Variants in ACP6 observed in about 807,000 individuals in gnomAD.
ACP6 encodes acid phosphatase 6, lysophosphatidic, also known as lysophosphatidic acid phosphatase type 6.
Under a neutral mutation model 48.1 loss-of-function variants are expected in ACP6, and 48 were observed. That is an observed-to-expected ratio of 1.00 (90% CI 0.79 to 1.27). The LOEUF is 1.27. Ranked by LOEUF, ACP6 falls within the 50% of genes most tolerant of loss-of-function variation. The pLI is 0.00. For synonymous variants in ACP6, 172 were observed against 204.2 expected (o/e 0.84, Z 1.34); for missense variants, 485 against 529.1 (o/e 0.92, Z 0.82).
rs1553212395 is a variant in ACP6 at position 147,659,707 on chromosome 1, T to C, written c.288A>G (p.Leu96=). Residue 96 remains leucine (L), a synonymous_variant, in exon 2 of 10, where the codon CTA becomes CTG. Coordinates refer to ENST00000583509, the MANE Select transcript of ACP6 (RefSeq NM_016361.5). ...QTQFDYTVTN[L]AGGPKPYSPY... Reference sequence around the variant, plus strand: ...GAGAATATGGTTTCGGACCACCAGCTAGATTGGTGACTGTGTAATCAAACT... The same window carrying C: ...GAGAATATGGTTTCGGACCACCAGCCAGATTGGTGACTGTGTAATCAAACT... 1.2e-6 allele frequency: 2 copies of C among 1,614,084 alleles called. No homozygotes were observed. The highest frequency in any genetic ancestry group is 1.3e-5 in the African/African-American group (1 of 74,928).
At chr1:147,656,370 T>A (rs1362297944) in intron 4 of ACP6, among the ~76,000 whole-genome samples, 1 of 152,214 alleles carries the variant, frequency 6.6e-6, no homozygotes, top group Non-Finnish European at 1.5e-5. Context: ...GAAGAGGTGC[T>A]GATGGCTGCA....
chr1:147,635,592 T>C (rs1432137136), intron 5 of ACP6, among the ~76,000 whole-genome samples: 16 of 152,192 alleles, frequency 1.1e-4, no homozygotes, highest in Admixed American at 9.8e-4. Flanking sequence ...GGAGAAGTCC[T>C]TGTTGGGGTT....
At chr1:147,668,222 C>T (rs961567586) in intron 1 of ACP6, among the ~76,000 whole-genome samples, 1 of 152,032 alleles carries the variant, frequency 6.6e-6, no homozygotes, top group Non-Finnish European at 1.5e-5. Flanking sequence ...GGTAATATGC[C>T]TTCTCTAATT....
Position 147,659,427 on chromosome 1 carries a change from G to T in ACP6, c.448C>A (p.Leu150Ile). Residue 150 changes from leucine (L) to isoleucine (I), a missense_variant, in exon 3 of 10, where the codon CTT becomes ATT. Leu to Ile is a conservative substitution (Grantham distance 5). Transcript: ENST00000583509. The stretch of plus-strand genomic sequence containing the variant: ...TCCTGTGGGTTGAAGGTTGGTGAAA[G>T]AAAGGGAATGTCTTCCACATAGTTC... ...RKNYVEDIPF[L>I]SPTFNPQEVF... The T allele has an allele frequency of 6.2e-7, 1 of 1,614,198 alleles. No individual in the cohort carries two copies. The highest frequency in any genetic ancestry group is 8.5e-7 in the Non-Finnish European group (1 of 1,180,032).
intron 4 of ACP6, among the ~76,000 whole-genome samples, chr1:147,656,236 C>A (rs1437267044): frequency 6.6e-6 from 1 of 152,178 alleles, no homozygotes; most frequent in African/African-American, 2.4e-5. Flanking sequence ...CAGAACTAAC[C>A]AGCAGTCGCC....
intron 1 of ACP6, 92 bp downstream of exon 1, chr1:147,669,738 G>T: frequency 7.6e-7 from 1 of 1,322,488 alleles, no homozygotes. Flanking sequence ...CGCTCCGCGC[G>T]AGTAAAGCTC....
rs1443197941 is a variant in ACP6, at chr1:147,646,076, G to A, written c.*1347C>T. 1 of 152,196 alleles carries A rather than the reference G, an allele frequency of 6.6e-6. No individual in the cohort carries two copies. Among genetic ancestry groups the A allele is most frequent in the Non-Finnish European group, 1.5e-5 (1 of 68,038 alleles). 9.4% of individuals were successfully genotyped at this position (152,196 alleles called of 1,614,324 possible). On this transcript the variant is annotated 3_prime_UTR_variant, in exon 10 of 10. Transcript: ENST00000583509. ...TCTTCTGATCTCTTTTAGATTCTTA[G>A]TAAAATAGGAAATACAGTAACCAGC...
rs781853603 is a variant in ACP6, at chr1:147,647,445, A to T, written c.1265T>A (p.Met422Lys). ...YHALCSQTQV[M>K]EVGNEE ...CAGTTACTCTTCATTTCCAACTTCC[A>T]TCACCTGAGTTTGAGAGCAGAGTGC... Residue 422 changes from methionine (M) to lysine (K), a missense_variant, in exon 10 of 10, where the codon ATG becomes AAG. Coordinates refer to ENST00000583509, the MANE Select transcript of ACP6 (RefSeq NM_016361.5). 2 of 1,614,114 alleles carry T rather than the reference A, an allele frequency of 1.2e-6. No individual in the cohort carries two copies. The highest frequency in any genetic ancestry group is 1.7e-6 in the Non-Finnish European group (2 of 1,180,018).
At chr1:147,648,086 C>T in intron 9 of ACP6, 160 bp downstream of exon 9, 1 of 773,574 alleles carries the variant, frequency 1.3e-6, no homozygotes, top group South Asian at 1.9e-5. Context: ...CTGCCTGACC[C>T]CTGGGCCATA....
Position 147,646,829 on chromosome 1 carries a change from C to T in ACP6, c.*594G>A, listed in dbSNP as rs1267381810. 1 of 152,626 alleles carries T rather than the reference C, an allele frequency of 6.6e-6. No homozygotes were observed. Among genetic ancestry groups the T allele is most frequent in the Non-Finnish European group, 1.5e-5 (1 of 68,286 alleles). The allele number at this position is 152,626 out of a possible 1,614,324, so 9.5% of individuals were successfully genotyped here. A position where few individuals can be genotyped will look rare whatever the true frequency, so the allele number is the denominator to read the frequency against. ...CGCAACACGCTTTCATCCTTGCTTT[C>T]CTGGTTAACTCCTACCCACCTTTCT... On this transcript the variant is annotated 3_prime_UTR_variant, in exon 10 of 10. Transcript: ENST00000583509.
chr1:147,638,198 T>A (rs1241701778), downstream of ACP6, among the ~76,000 whole-genome samples: 5 of 152,238 alleles, frequency 3.3e-5, no homozygotes, highest in African/African-American at 9.6e-5. Context: ...TAATAAACAC[T>A]TAAAAACAAA....
rs1457557370 is a variant in ACP6, at chr1:147,644,471, T to C, written c.*2952A>G. On this transcript the variant is annotated 3_prime_UTR_variant, in exon 10 of 10. Coordinates refer to ENST00000583509, the MANE Select transcript of ACP6 (RefSeq NM_016361.5). The stretch of plus-strand genomic sequence containing the variant: ...TTAGAGCAGAAGAGTGGCACGATCT[T>C]ACTTTGTTTTAAAAGCAACACTGTG... 2 of 152,184 alleles carry C rather than the reference T, an allele frequency of 1.3e-5. No individual in the cohort carries two copies. Among genetic ancestry groups the C allele is most frequent in the Non-Finnish European group, 2.9e-5 (2 of 68,040 alleles). The allele number at this position is 152,184 out of a possible 1,614,324, so 9.4% of individuals were successfully genotyped here. A position where few individuals can be genotyped will look rare whatever the true frequency, so the allele number is the denominator to read the frequency against.
chr1:147,664,811 C>T (rs1305186304), intron 1 of ACP6, among the ~76,000 whole-genome samples: 1 of 152,154 alleles, frequency 6.6e-6, no homozygotes, highest in African/African-American at 2.4e-5. Flanking sequence ...CTGCAAGAAA[C>T]CATATGAAGG....
Position 147,647,323 on chromosome 1 carries a change from A to G in ACP6, c.*100T>C. 2.9e-6 allele frequency: 4 copies of G among 1,356,170 alleles called. No individual in the cohort carries two copies. Among genetic ancestry groups the G allele is most frequent in the Non-Finnish European group, 4.1e-6 (4 of 982,706 alleles). 84.0% of individuals were successfully genotyped at this position (1,356,170 alleles called of 1,614,324 possible). A position where few individuals can be genotyped will look rare whatever the true frequency, so the allele number is the denominator to read the frequency against. Reference sequence around the variant, plus strand: ...ATATCCTTACATTATATTAAAGTACATTACCCCTTGCTCTCTCCTCTTCCC... The same window carrying G: ...ATATCCTTACATTATATTAAAGTACGTTACCCCTTGCTCTCTCCTCTTCCC... On this transcript the variant is annotated 3_prime_UTR_variant, in exon 10 of 10. Transcript: ENST00000583509.
intron 1 of ACP6, among the ~76,000 whole-genome samples, chr1:147,668,090 C>T (rs1279268823): frequency 6.6e-6 from 1 of 152,144 alleles, no homozygotes; most frequent in African/African-American, 2.4e-5. Flanking sequence ...AATATTTGCT[C>T]ATAGCCTAAA....
downstream of ACP6, among the ~76,000 whole-genome samples, chr1:147,640,123 A>T (rs1553208461): frequency 1.3e-5 from 2 of 152,094 alleles, no homozygotes; most frequent in Non-Finnish European, 2.9e-5. Flanking sequence ...ACCCTTTCAC[A>T]TGGTTATTTT....
In ACP6 at chr1:147,647,363, G is replaced by A; in HGVS notation, c.*60C>T. The A allele has an allele frequency of 6.3e-7, 1 of 1,575,808 alleles. No individual in the cohort carries two copies. The highest frequency in any genetic ancestry group is 1.1e-5 in the South Asian group (1 of 89,414). On this transcript the variant is annotated 3_prime_UTR_variant, in exon 10 of 10. Transcript: ENST00000583509. Reference sequence around the variant, plus strand: ...CTCCTCTTCCCAAACACACAAAGCAGGAGGCATTGTATAAAGGCACTTTAT... The same window carrying A: ...CTCCTCTTCCCAAACACACAAAGCAAGAGGCATTGTATAAAGGCACTTTAT...
rs1553209472 is a variant in ACP6 at position 147,646,663 on chromosome 1, T to A, written c.*760A>T. 1 of 152,262 alleles carries A rather than the reference T, an allele frequency of 6.6e-6. No individual in the cohort carries two copies. Among genetic ancestry groups the A allele is most frequent in the Non-Finnish European group, 1.5e-5 (1 of 68,122 alleles). 9.4% of individuals were successfully genotyped at this position (152,262 alleles called of 1,614,324 possible). A position where few individuals can be genotyped will look rare whatever the true frequency, so the allele number is the denominator to read the frequency against. ...TTCCAGCCTTACCATTGCAGAGCCC[T>A]GGGGCCCACATTTGTTTCTGGAACT... On this transcript the variant is annotated 3_prime_UTR_variant, in exon 10 of 10. Coordinates refer to ENST00000583509, the MANE Select transcript of ACP6 (RefSeq NM_016361.5).
In ACP6 at chr1:147,652,471, A is replaced by C. The variant is rs374271895; in HGVS notation, c.859T>G (p.Tyr287Asp). 6.2e-7 allele frequency: 1 copy of C among 1,613,780 alleles called. No individual in the cohort carries two copies. Among genetic ancestry groups the C allele is most frequent in the African/African-American group, 1.3e-5 (1 of 74,914 alleles). ...IEQRAVDTSL[Y>D]ILPKEDRESL... is the part of the protein sequence containing the mutation. ...CACCTGTCTTCCTTGGGCAGTATGT[A>C]CAAGGATGTGTCCACAGCTCTCTGT... Residue 287 changes from tyrosine to aspartate, a missense_variant, in exon 7 of 10, where the codon TAC (tyrosine) becomes GAC (aspartate). Physicochemically the swap from Tyr to Asp is radical, Grantham distance 160. Coordinates refer to ENST00000583509, the MANE Select transcript of ACP6 (RefSeq NM_016361.5).
Sources: allele counts gnomAD v4.1 joint callset (sites outside exome capture counted in the v4.1 genomes callset), GRCh38; gene constraint gnomAD v4.1.1; transcripts MANE v1.5; gene names NCBI Gene and HGNC (gene_info 2026-07-23, HGNC 2026-07-21).